The following CDH12 variants were observed in gnomAD, a reference collection of about 807,000 sequenced individuals.
CDH12 encodes the protein cadherin 12.
CDH12 carries 41 observed loss-of-function variants against 74.1 expected under a neutral mutation model. That is an observed-to-expected ratio of 0.55 (90% CI 0.43 to 0.72). The LOEUF (loss-of-function observed/expected upper bound fraction) is 0.72, where lower values mean the gene tolerates loss of function less well. Ranked by LOEUF, CDH12 falls within the 30% of genes least tolerant of loss-of-function variation. The probability of loss-of-function intolerance (pLI) is 0.00; values close to 1 mark genes in which losing one functional copy is unlikely to be tolerated. For synonymous variants in CDH12, 399 were observed against 355.0 expected, an observed-to-expected ratio of 1.12 and a Z score of -1.39; for missense variants, 945 against 977.2, an observed-to-expected ratio of 0.97 and a Z score of 0.44.
At chr5:22,575,373 G>C (rs576566851) in intron 1 of CDH12, among the ~76,000 whole-genome samples, 1 of 151,638 alleles carries the variant, frequency 6.6e-6, no homozygotes, top group South Asian at 2.1e-4. Context: ...AAGCAAAATT[G>C]CTATGCAGTT....
chr5:21,919,807 G>T (rs746025549), intron 6 of CDH12, among the ~76,000 whole-genome samples: 1 of 152,076 alleles, frequency 6.6e-6, no homozygotes, highest in Admixed American at 6.6e-5. Flanking sequence ...GCCGCATGAG[G>T]ATTCAGCATT....
At chr5:22,371,874 A>G (rs1180108126) in intron 3 of CDH12, among the ~76,000 whole-genome samples, 1 of 152,212 alleles carries the variant, frequency 6.6e-6, no homozygotes, top group African/African-American at 2.4e-5. Context: ...CCAGTCCATG[A>G]AAGAACCTTG....
intron 4 of CDH12, among the ~76,000 whole-genome samples, chr5:22,190,820 C>A (rs972444233): frequency 1.3e-5 from 2 of 152,170 alleles, no homozygotes; most frequent in African/African-American, 4.8e-5. Flanking sequence ...TCAATCAGCT[C>A]CGTAAATCAG....
At chr5:22,127,478 GAAAA>G (rs778116731) in intron 4 of CDH12, among the ~76,000 whole-genome samples, 1 of 106,784 alleles carries the variant, frequency 9.4e-6, no homozygotes, top group Non-Finnish European at 1.8e-5. Context: ...ACTCCATCTC[GAAAA>G]AAAAAAAAAA....
intron 4 of CDH12, among the ~76,000 whole-genome samples, chr5:22,151,497 C>T (rs548675935): frequency 6.6e-6 from 1 of 152,188 alleles, no homozygotes; most frequent in Non-Finnish European, 1.5e-5. Context: ...GAAATCCTTC[C>T]TCAAGAGATT....
chr5:22,518,175 A>C (rs1045004192), intron 1 of CDH12, among the ~76,000 whole-genome samples: 1 of 152,238 alleles, frequency 6.6e-6, no homozygotes, highest in Non-Finnish European at 1.5e-5. Flanking sequence ...ACAAGTAGAC[A>C]AGAGGAATTA....
chr5:22,382,164 TTTA>T lies in CDH12; in HGVS notation c.-333+23090_-333+23092del, dbSNP rs1479919564. ...TTTATATATTTATAATATATACTAT[TTTA>T]TTATATATTTATAATATATATTATT... On this transcript the variant is annotated intron_variant, in intron 3 of 14. Coordinates refer to ENST00000382254, the MANE Select transcript of CDH12 (RefSeq NM_004061.5). Among the ~76,000 whole-genome samples, 5 of 145,568 alleles carry T rather than the reference TTTA, an allele frequency of 3.4e-5. No individual in the cohort carries two copies. In the South Asian group the frequency reaches 8.4e-4, roughly 24 times the overall value.
At chr5:22,480,754 A>G (rs1722621444) in intron 2 of CDH12, among the ~76,000 whole-genome samples, 6 of 152,094 alleles carry the variant, frequency 3.9e-5, no homozygotes, top group Non-Finnish European at 7.3e-5. Context: ...TTCCATTGCA[A>G]ATGCCCAGGT....
At chr5:22,295,730 T>C (rs1264336087) in intron 3 of CDH12, among the ~76,000 whole-genome samples, 1 of 152,066 alleles carries the variant, frequency 6.6e-6, no homozygotes, top group Non-Finnish European at 1.5e-5. Context: ...AATCTGGAGA[T>C]ATGAACTAAA....
At chr5:22,634,104 A>C (rs1738714468) in intron 1 of CDH12, among the ~76,000 whole-genome samples, 1 of 152,152 alleles carries the variant, frequency 6.6e-6, no homozygotes, top group Non-Finnish European at 1.5e-5. Context: ...AATTAACTTA[A>C]AAACAATAAA....
At chr5:22,030,472 C>T (rs1738738949) in intron 5 of CDH12, among the ~76,000 whole-genome samples, 2 of 152,066 alleles carry the variant, frequency 1.3e-5, no homozygotes, top group South Asian at 4.1e-4. Flanking sequence ...ACCTTATTAC[C>T]TAAACAGTAG....
At chr5:21,895,609 C>T (rs568203545) in intron 6 of CDH12, among the ~76,000 whole-genome samples, 56 of 152,190 alleles carry the variant, frequency 3.7e-4, no homozygotes, top group Non-Finnish European at 7.6e-4. Flanking sequence ...TTTTCTTTCT[C>T]AGGGCTCAGC....
chr5:21,973,426 T>C (rs1561339633), intron 6 of CDH12, among the ~76,000 whole-genome samples: 1 of 152,182 alleles, frequency 6.6e-6, no homozygotes, highest in South Asian at 2.1e-4. Context: ...CTTTCTCACT[T>C]ACCTACACTT....
chr5:22,307,183 C>A (rs1253746514), intron 3 of CDH12, among the ~76,000 whole-genome samples: 1 of 152,110 alleles, frequency 6.6e-6, no homozygotes, highest in Admixed American at 6.6e-5. Context: ...ATAACTCTAC[C>A]CCACTTTGAC....
At chr5:22,406,680 G>T (rs1431835681) in intron 2 of CDH12, among the ~76,000 whole-genome samples, 1 of 152,060 alleles carries the variant, frequency 6.6e-6, no homozygotes, top group Admixed American at 6.6e-5. Context: ...TCTGAACAAA[G>T]CTTCTAAGAT....
In CDH12 at chr5:21,783,498, T is replaced by C. The variant is rs1746032708; in HGVS notation, c.1257-4A>G. 1 of 1,601,300 alleles carries C rather than the reference T, an allele frequency of 6.2e-7. No homozygotes were observed. Among genetic ancestry groups the C allele is most frequent in the Middle Eastern group, 1.7e-4 (1 of 6,020 alleles). The stretch of plus-strand genomic sequence containing the variant: ...ACTCTTCCAATCTATGAAGTACCTG[T>C]ATATGAAAAGAGTAGATGCAAATGT... On this transcript the variant is annotated splice_region_variant and splice_polypyrimidine_tract_variant and intron_variant, in intron 10 of 14. Transcript: ENST00000382254.
intron 6 of CDH12, among the ~76,000 whole-genome samples, chr5:21,913,792 C>T (rs916847405): frequency 6.6e-6 from 1 of 152,182 alleles, no homozygotes; most frequent in Admixed American, 6.5e-5. Context: ...CCTCCCACCT[C>T]AGCCTCCCAA....
At chr5:22,803,808 C>T (rs62342487) in intron 1 of CDH12, among the ~76,000 whole-genome samples, 520 of 152,258 alleles carry the variant, frequency 3.4e-3, no homozygotes, top group Middle Eastern at 6.8e-3. Flanking sequence ...CAAATCCTTT[C>T]GTGTGTTTTG....
chr5:21,897,645 T>G (rs749498534), intron 6 of CDH12, among the ~76,000 whole-genome samples: 1 of 152,258 alleles, frequency 6.6e-6, no homozygotes, highest in Non-Finnish European at 1.5e-5. Context: ...CTTAGTTTTG[T>G]ATACATATGC....
Sources: allele counts gnomAD v4.1 joint callset (sites outside exome capture counted in the v4.1 genomes callset), GRCh38; gene constraint gnomAD v4.1.1; transcripts MANE v1.5; gene names NCBI Gene and HGNC (gene_info 2026-07-23, HGNC 2026-07-21).